CSMD3: variants seen among roughly 807,000 people sequenced by gnomAD.
The protein encoded by CSMD3 is CUB and Sushi multiple domains 3.
Under a neutral mutation model 435.2 loss-of-function variants are expected in CSMD3, and 177 were observed. The observed-to-expected ratio is 0.41, with a 90% CI of 0.36 to 0.46. The LOEUF (loss-of-function observed/expected upper bound fraction) is 0.46. CSMD3 is among the 20% of genes least tolerant of loss of function. The probability of loss-of-function intolerance (pLI) is 0.34; values close to 1 mark genes in which losing one functional copy is unlikely to be tolerated. For synonymous variants in CSMD3, 1,656 were observed against 1,520.5 expected, an observed-to-expected ratio of 1.09 and a Z score of -2.07; for missense variants, 4,265 against 4,504.6, an observed-to-expected ratio of 0.95 and a Z score of 1.52.
chr8:112,309,917 G>A (rs1246413489), intron 50 of CSMD3, among the ~76,000 whole-genome samples: 11 of 151,920 alleles, frequency 7.2e-5, no homozygotes, highest in Non-Finnish European at 1.5e-5. Flanking sequence ...TTTTATAAAT[G>A]CCCACCAAAA....
intron 22 of CSMD3, among the ~76,000 whole-genome samples, chr8:112,621,583 T>G (rs1834075271): frequency 6.6e-6 from 1 of 152,188 alleles, no homozygotes; most frequent in South Asian, 2.1e-4. Context: ...TATTTGCATT[T>G]TCAACATTTT....
intron 38 of CSMD3, among the ~76,000 whole-genome samples, chr8:112,363,666 G>A (rs4876281): frequency 0.4 from 60,080 of 151,538 alleles, 13,329 homozygotes; most frequent in Middle Eastern, 0.54. Context: ...CTATCTCTAC[G>A]TCATCATCAC....
chr8:112,463,469 C>T (rs1817656122), intron 32 of CSMD3, among the ~76,000 whole-genome samples: 1 of 152,182 alleles, frequency 6.6e-6, no homozygotes, highest in East Asian at 1.9e-4. Flanking sequence ...GGTCTTTCTT[C>T]TCTTGTTTTC....
intron 1 of CSMD3, among the ~76,000 whole-genome samples, chr8:113,378,086 T>TTAA (rs2094397245): frequency 6.6e-6 from 1 of 152,074 alleles, no homozygotes. Flanking sequence ...CATTATGAGA[T>TTAA]TAATAATAAT....
chr8:112,339,018 G>T (rs1209098292), intron 42 of CSMD3, among the ~76,000 whole-genome samples: 2 of 151,892 alleles, frequency 1.3e-5, no homozygotes, highest in African/African-American at 2.4e-5. Context: ...GGGAACCTAA[G>T]GCTGTCTAAC....
chr8:112,620,257 C>T (rs963275887), intron 22 of CSMD3, among the ~76,000 whole-genome samples: 4 of 152,012 alleles, frequency 2.6e-5, no homozygotes, highest in African/African-American at 9.7e-5. Flanking sequence ...CTTTGAAAGA[C>T]ATTTGGGGGA....
intron 10 of CSMD3, among the ~76,000 whole-genome samples, chr8:112,911,228 C>T (rs1260316521): frequency 6.6e-6 from 1 of 150,952 alleles, no homozygotes; most frequent in East Asian, 2.0e-4. Context: ...TGACATCTTC[C>T]TTCTTTTATA....
At chr8:112,893,760 T>C (rs903213841) in intron 10 of CSMD3, among the ~76,000 whole-genome samples, 1 of 151,524 alleles carries the variant, frequency 6.6e-6, no homozygotes, top group African/African-American at 2.4e-5. Context: ...TTACATTCAG[T>C]TTAGTTTCCT....
At position 112,703,774 on chromosome 8, in the gene CSMD3, C is replaced by T. The variant is rs562535939; in HGVS notation, c.1973-13724G>A. On this transcript the variant is annotated intron_variant, in intron 13 of 70. Coordinates refer to ENST00000297405, the MANE Select transcript of CSMD3 (RefSeq NM_198123.2). The stretch of plus-strand genomic sequence containing the variant: ...TATAGAATCATGCAGCTAGAAAAGA[C>T]CTTGTGAGTTAAACCATGTCTCACC... Among the ~76,000 whole-genome samples the T allele has an allele frequency of 2.6e-5, 4 of 152,142 alleles. No homozygotes were observed. In the South Asian group the frequency reaches 8.3e-4, roughly 32 times the overall value.
intron 20 of CSMD3, among the ~76,000 whole-genome samples, chr8:112,641,575 A>C (rs2074828798): frequency 6.6e-6 from 1 of 152,080 alleles, no homozygotes; most frequent in Non-Finnish European, 1.5e-5. Flanking sequence ...GGTGGCTCAC[A>C]CCTGTAATCC....
intron 18 of CSMD3, among the ~76,000 whole-genome samples, chr8:112,654,399 G>T (rs1238816641): frequency 2.0e-5 from 3 of 151,998 alleles, no homozygotes; most frequent in Non-Finnish European, 4.4e-5. Context: ...AATGAGAGAA[G>T]GTGATTTCTT....
chr8:113,351,105 A>T (rs145255852), intron 1 of CSMD3, among the ~76,000 whole-genome samples: 1 of 152,234 alleles, frequency 6.6e-6, no homozygotes, highest in Admixed American at 6.5e-5. Flanking sequence ...GTGCTTCCTA[A>T]GTACCAGGCA....
chr8:113,032,942 A>G (rs183591757), intron 5 of CSMD3, among the ~76,000 whole-genome samples: 1 of 151,664 alleles, frequency 6.6e-6, no homozygotes, highest in South Asian at 2.1e-4. Flanking sequence ...GTCAAGGCAC[A>G]GCTTGGGCCA....
intron 3 of CSMD3, among the ~76,000 whole-genome samples, chr8:113,235,004 G>A (rs2093131535): frequency 6.6e-6 from 1 of 152,076 alleles, no homozygotes; most frequent in East Asian, 1.9e-4. Context: ...TATAAATGGG[G>A]TGGAAAATAT....
rs576873770 is a variant in CSMD3, at chr8:113,385,544, C to T, written c.178+51133G>A. Among the ~76,000 whole-genome samples the T allele has an allele frequency of 8.5e-5, 13 of 152,142 alleles. No homozygotes were observed. In the East Asian group the frequency reaches 1.9e-3, roughly 23 times the overall value. On this transcript the variant is annotated intron_variant, in intron 1 of 70. Coordinates refer to ENST00000297405, the MANE Select transcript of CSMD3 (RefSeq NM_198123.2). ...AAGTAGAGGTGCTGAATAAACCTTGCGCTGATTTCACATAATGGCTTTGAC... is the reference window on the plus strand; with the variant it reads ...AAGTAGAGGTGCTGAATAAACCTTGTGCTGATTTCACATAATGGCTTTGAC...
At chr8:112,811,180 C>T (rs1054857362) in intron 12 of CSMD3, among the ~76,000 whole-genome samples, 2 of 151,598 alleles carry the variant, frequency 1.3e-5, no homozygotes, top group African/African-American at 4.8e-5. Context: ...AGAGTAGAAA[C>T]AGCAATACAC....
In CSMD3 at chr8:112,775,518, T is replaced by A. The variant is rs556841295; in HGVS notation, c.1972+24644A>T. On this transcript the variant is annotated intron_variant, in intron 13 of 70. Transcript: ENST00000297405. ...GTAAGTCAAGTTGTAATCATTCTTC[T>A]TTTATTTTAAATCGTAGCAAAAAAT... is the stretch of plus-strand genomic sequence containing the variant. Among the ~76,000 whole-genome samples the A allele has an allele frequency of 7.6e-5, 5 of 65,426 alleles. No homozygotes were observed. In the Admixed American group the frequency reaches 8.6e-4, roughly 11 times the overall value. 42.9% of individuals were successfully genotyped at this position (65,426 alleles called of 152,430 possible).
At chr8:113,349,405 T>C (rs926614260) in intron 1 of CSMD3, among the ~76,000 whole-genome samples, 11 of 152,152 alleles carry the variant, frequency 7.2e-5, no homozygotes, top group African/African-American at 1.2e-4. Flanking sequence ...ATGTGCTAAA[T>C]GGCATAGATG....
chr8:113,147,638 T>C (rs775185524), intron 4 of CSMD3, among the ~76,000 whole-genome samples: 3 of 151,718 alleles, frequency 2.0e-5, no homozygotes, highest in Non-Finnish European at 2.9e-5. Flanking sequence ...AAGATCAATA[T>C]AACTTACTCT....
Sources: allele counts gnomAD v4.1 joint callset (sites outside exome capture counted in the v4.1 genomes callset), GRCh38; gene constraint gnomAD v4.1.1; transcripts MANE v1.5; gene names NCBI Gene and HGNC (gene_info 2026-07-23, HGNC 2026-07-21).